Variants in YWHAG observed in about 807,000 individuals in gnomAD.
The protein encoded by YWHAG is 14-3-3 protein gamma.
In YWHAG, 1 loss-of-function variant was observed where a neutral mutation model predicts 23.3. That is an observed-to-expected ratio of 0.04 (90% CI 0.02 to 0.20). The LOEUF is 0.20. Among genes scored for constraint, YWHAG ranks in the 10% least tolerant of loss-of-function variants. The pLI, the probability that YWHAG is intolerant of heterozygous loss-of-function variation, is 1.00. For synonymous variants in YWHAG, 160 were observed against 144.0 expected, an observed-to-expected ratio of 1.11 and a Z score of -0.80; for missense variants, 151 against 338.6, an observed-to-expected ratio of 0.45 and a Z score of 4.35.
At chr7:76,339,491 T>A (rs188811116) in intron 1 of YWHAG, among the ~76,000 whole-genome samples, 1 of 151,958 alleles carries the variant, frequency 6.6e-6, no homozygotes. Context: ...ATAAAAATAA[T>A]AGTAATAATA....
At chr7:76,358,358 TAGG>T (rs997256108) in intron 1 of YWHAG, among the ~76,000 whole-genome samples, 4 of 151,906 alleles carry the variant, frequency 2.6e-5, no homozygotes, top group African/African-American at 9.7e-5. Context: ...ACGCCCAGGC[TAGG>T]AGGAGGGGGG....
At chr7:76,330,583 C>T (rs1027909287) in intron 1 of YWHAG, among the ~76,000 whole-genome samples, 7 of 152,298 alleles carry the variant, frequency 4.6e-5, no homozygotes, top group Non-Finnish European at 5.9e-5. Context: ...TGACAAATTC[C>T]TCCTAATCCT....
intron 1 of YWHAG, among the ~76,000 whole-genome samples, chr7:76,343,556 C>T (rs1383837797): frequency 6.6e-6 from 1 of 152,194 alleles, no homozygotes; most frequent in Non-Finnish European, 1.5e-5. Flanking sequence ...ATGTACCCAT[C>T]TGAGATTGTT....
At chr7:76,335,102 G>A (rs1040878487) in intron 1 of YWHAG, among the ~76,000 whole-genome samples, 2 of 152,092 alleles carry the variant, frequency 1.3e-5, no homozygotes, top group African/African-American at 4.8e-5. Flanking sequence ...TCTGTCACCA[G>A]GCTGGAGTGC....
intron 1 of YWHAG, among the ~76,000 whole-genome samples, chr7:76,332,733 G>C (rs1451562226): frequency 6.6e-6 from 1 of 150,602 alleles, no homozygotes; most frequent in Non-Finnish European, 1.5e-5. Context: ...AAAAGACCTG[G>C]TCTCACTCTG....
At chr7:76,344,319 C>T (rs560738340) in intron 1 of YWHAG, among the ~76,000 whole-genome samples, 1 of 152,078 alleles carries the variant, frequency 6.6e-6, no homozygotes, top group African/African-American at 2.4e-5. Flanking sequence ...CCATGTTGGC[C>T]AGGCTGGTCT....
intron 1 of YWHAG, among the ~76,000 whole-genome samples, chr7:76,330,866 C>T (rs1395105116): frequency 6.6e-6 from 1 of 152,164 alleles, no homozygotes; most frequent in Admixed American, 6.6e-5. Flanking sequence ...GCGAGCACAG[C>T]GCCTCTAGCT....
rs1563660690 is a variant in YWHAG, at chr7:76,327,688, C to CCCCCCCCCCCCCCCT, written c.*1888_*1889insAGGGGGGGGGGGGGG. On this transcript the variant is annotated 3_prime_UTR_variant, in exon 2 of 2. Coordinates refer to ENST00000307630, the MANE Select transcript of YWHAG (RefSeq NM_012479.4). ...ACCCTGCCCCCCCCCCCCTCCCCCC[C>CCCCCCCCCCCCCCCT]CAAATCGTCTTCCTCCCATGGCAAT... is the stretch of plus-strand genomic sequence containing the variant. The CCCCCCCCCCCCCCCT allele has an allele frequency of 8.4e-6, 1 of 118,510 alleles. No homozygotes were observed. The allele number at this position is 118,510 out of a possible 1,614,324, so 7.3% of individuals were successfully genotyped here.
At chr7:76,339,727 T>C (rs759709725) in intron 1 of YWHAG, among the ~76,000 whole-genome samples, 1 of 152,190 alleles carries the variant, frequency 6.6e-6, no homozygotes, top group Non-Finnish European at 1.5e-5. Context: ...ACCGTAAGGA[T>C]GAAGACTTTT....
At chr7:76,346,721 C>T (rs1480254175) in intron 1 of YWHAG, among the ~76,000 whole-genome samples, 1 of 152,196 alleles carries the variant, frequency 6.6e-6, no homozygotes, top group Non-Finnish European at 1.5e-5. Flanking sequence ...TCCCCTTGCT[C>T]TGCCTCACTG....
At chr7:76,354,480 A>G (rs982642503) in intron 1 of YWHAG, among the ~76,000 whole-genome samples, 1 of 151,914 alleles carries the variant, frequency 6.6e-6, no homozygotes, top group African/African-American at 2.4e-5. Flanking sequence ...ACCACTGCCC[A>G]CTGCACTCCA....
At chr7:76,356,872 T>A (rs562360460) in intron 1 of YWHAG, among the ~76,000 whole-genome samples, 1 of 152,224 alleles carries the variant, frequency 6.6e-6, no homozygotes, top group African/African-American at 2.4e-5. Flanking sequence ...AGTGCTCGAT[T>A]CCACCTGGCT....
chr7:76,334,395 G>A (rs1034478332), intron 1 of YWHAG, among the ~76,000 whole-genome samples: 1 of 152,158 alleles, frequency 6.6e-6, no homozygotes, highest in Non-Finnish European at 1.5e-5. Context: ...TTTGGGAAGG[G>A]AGGTAACATT....
intron 1 of YWHAG, among the ~76,000 whole-genome samples, chr7:76,345,979 T>TA (rs956948149): frequency 3.3e-5 from 5 of 152,028 alleles, no homozygotes; most frequent in Non-Finnish European, 5.9e-5. Context: ...ATAAATAAAA[T>TA]AAAAAATAAA....
Position 76,326,939 on chromosome 7 carries a change from T to A in YWHAG, c.*2638A>T, listed in dbSNP as rs542589223. On this transcript the variant is annotated 3_prime_UTR_variant, in exon 2 of 2. Coordinates refer to ENST00000307630, the MANE Select transcript of YWHAG (RefSeq NM_012479.4). ...GAGAAACACGGAGCTGGAAAAATAA[T>A]CACTGATTAGACCTTAAAAATAGTT... The A allele has an allele frequency of 6.5e-6, 1 of 152,738 alleles. No individual in the cohort carries two copies. The highest frequency in any genetic ancestry group is 1.5e-5 in the Non-Finnish European group (1 of 68,018). The allele number at this position is 152,738 out of a possible 1,614,324, so 9.5% of individuals were successfully genotyped here. A position where few individuals can be genotyped will look rare whatever the true frequency, so the allele number is the denominator to read the frequency against.
At chr7:76,340,463 T>A (rs533708370) in intron 1 of YWHAG, among the ~76,000 whole-genome samples, 95 of 152,388 alleles carry the variant, frequency 6.2e-4, no homozygotes, top group African/African-American at 2.2e-3. Context: ...TTCTCTATCA[T>A]GTTAAGAAAG....
chr7:76,330,365 G>C (rs1028516426), intron 1 of YWHAG, 132 bp from the exon 2 acceptor site: 28 of 997,538 alleles, frequency 2.8e-5, no homozygotes, highest in Non-Finnish European at 3.9e-5. Flanking sequence ...GTGTGGGCTG[G>C]GGGAAGGGGG....
chr7:76,355,926 C>T (rs1184952909), intron 1 of YWHAG, among the ~76,000 whole-genome samples: 1 of 152,202 alleles, frequency 6.6e-6, no homozygotes, highest in African/African-American at 2.4e-5. Context: ...TGTTCACTCT[C>T]CTTCAATACA....
At chr7:76,353,433 C>T (rs1211528571) in intron 1 of YWHAG, among the ~76,000 whole-genome samples, 1 of 151,902 alleles carries the variant, frequency 6.6e-6, no homozygotes, top group Admixed American at 6.6e-5. Flanking sequence ...GGCTGGTCTC[C>T]AACTCCTGAC....
Sources: allele counts gnomAD v4.1 joint callset (sites outside exome capture counted in the v4.1 genomes callset), GRCh38; gene constraint gnomAD v4.1.1; transcripts MANE v1.5; gene names NCBI Gene and HGNC (gene_info 2026-07-23, HGNC 2026-07-21).